Variants in CDH15 observed in about 807,000 individuals in gnomAD.
The protein encoded by CDH15 is cadherin-15.
In CDH15, 73 loss-of-function variants were observed where a neutral mutation model predicts 69.4. That is an observed-to-expected ratio of 1.05 (90% CI 0.87 to 1.28). The LOEUF (loss-of-function observed/expected upper bound fraction) is 1.28, where lower values mean the gene tolerates loss of function less well. CDH15 is among the 50% of genes most tolerant of loss of function. The pLI is 0.00. For synonymous variants in CDH15, 624 were observed against 507.7 expected, an observed-to-expected ratio of 1.23 and a Z score of -3.08; for missense variants, 1,343 against 1,133.6, an observed-to-expected ratio of 1.18 and a Z score of -2.65.
In CDH15 at chr16:89,195,098, C is replaced by T; in HGVS notation, c.2388C>T (p.Ala796=). The T allele has an allele frequency of 6.2e-7, 1 of 1,609,580 alleles. No individual in the cohort carries two copies. ...LEYGARWDHQ[A]REGLSPGALL... ...ACGGGGCCAGATGGGACCACCAGGC[C>T]AGGGAGGGTCTTTCTCCTGGGGCAC... The change falls in exon 14 of 14, where the codon GCC becomes GCT. Residue 796 remains alanine (A), a synonymous_variant. Coordinates refer to ENST00000289746, the MANE Select transcript of CDH15 (RefSeq NM_004933.3).
intron 3 of CDH15, among the ~76,000 whole-genome samples, chr16:89,180,974 C>CTTTTTTTTTTTGTTTTTTTTTTT (rs1915364941): frequency 1.0e-5 from 1 of 96,988 alleles, no homozygotes; most frequent in African/African-American, 4.3e-5. Flanking sequence ...CGCGCCCGAC[C>CTTTTTTTTTTTGTTTTTTTTTTT]TTTTTTTTTT....
intron 1 of CDH15, among the ~76,000 whole-genome samples, chr16:89,175,245 T>G (rs1915234141): frequency 6.6e-6 from 1 of 152,062 alleles, no homozygotes; most frequent in African/African-American, 2.4e-5. Flanking sequence ...CTGGCCCAGG[T>G]TTGGTGGCAG....
At chr16:89,189,085 ACACAGATGCCCACACACAGATGCCCACG>A (rs1915573791) in intron 7 of CDH15, among the ~76,000 whole-genome samples, 7 of 145,688 alleles carry the variant, frequency 4.8e-5, no homozygotes, top group Admixed American at 2.0e-4. Context: ...AGATGCCCAC[ACACAGATGCCCACACACAGATGCCCACG>A]CACAGGTGCC....
rs1662280841 is a variant in CDH15 at position 89,192,186 on chromosome 16, C to G, written c.1616-19C>G. 1 of 1,527,292 alleles carries G rather than the reference C, an allele frequency of 6.5e-7. No individual in the cohort carries two copies. Among genetic ancestry groups the G allele is most frequent in the African/African-American group, 1.4e-5 (1 of 72,432 alleles). The allele number at this position is 1,527,292 out of a possible 1,614,324, so 94.6% of individuals were successfully genotyped here. A position where few individuals can be genotyped will look rare whatever the true frequency, so the allele number is the denominator to read the frequency against. Reference sequence around the variant, plus strand: ...GGCGGCCTCGGGAGGCCCTCGCTCACCACAGGCGCCCTCCGCAGTGAGCCA... The same window carrying G: ...GGCGGCCTCGGGAGGCCCTCGCTCAGCACAGGCGCCCTCCGCAGTGAGCCA... On this transcript the variant is annotated intron_variant, in intron 10 of 13. Transcript: ENST00000289746.
intron 1 of CDH15, among the ~76,000 whole-genome samples, chr16:89,178,237 T>C (rs1639805705): frequency 6.6e-6 from 1 of 152,082 alleles, no homozygotes; most frequent in Admixed American, 6.6e-5. Context: ...CTTTGGGGTC[T>C]TTACCGGCCT....
intron 1 of CDH15, 34 bp downstream of exon 1, chr16:89,171,907 C>T: frequency 1.3e-6 from 2 of 1,535,152 alleles, no homozygotes; most frequent in Non-Finnish European, 8.8e-7. Flanking sequence ...GTCCCCGCTG[C>T]CTCCCTCGAC....
intron 4 of CDH15, among the ~76,000 whole-genome samples, chr16:89,184,510 C>T (rs911053728): frequency 1.3e-5 from 2 of 152,198 alleles, no homozygotes; most frequent in African/African-American, 2.4e-5. Context: ...CCGCTTCCCA[C>T]AGCAGGTGGG....
At chr16:89,189,933 G>A (rs533749882) in intron 7 of CDH15, among the ~76,000 whole-genome samples, 1 of 152,198 alleles carries the variant, frequency 6.6e-6, no homozygotes, top group African/African-American at 2.4e-5. Context: ...CACCCAGGAC[G>A]ATCTCCTTTA....
chr16:89,183,643 C>A lies in CDH15; in HGVS notation c.453C>A (p.Ala151=). The A allele has an allele frequency of 6.2e-7, 1 of 1,613,646 alleles. No individual in the cohort carries two copies. The highest frequency in any genetic ancestry group is 8.5e-7 in the Non-Finnish European group (1 of 1,179,854). Residue 151 remains alanine (A), a synonymous_variant, in exon 4 of 14, where the codon GCC becomes GCA. Coordinates refer to ENST00000289746, the MANE Select transcript of CDH15 (RefSeq NM_004933.3). ...VVVDQNDNRP[A]FLQEAFTGRV... ...TGGATCAGAATGACAACCGGCCAGCCTTCCTGCAGGAGGCGTTCACTGGCC... is the reference window on the plus strand; with the variant it reads ...TGGATCAGAATGACAACCGGCCAGCATTCCTGCAGGAGGCGTTCACTGGCC...
chr16:89,189,847 C>T (rs569309941), intron 7 of CDH15, among the ~76,000 whole-genome samples: 104 of 152,326 alleles, frequency 6.8e-4, no homozygotes, highest in African/African-American at 2.4e-3. Context: ...CTGGAGCCGA[C>T]GCAGCAGTTT....
chr16:89,184,602 C>T (rs541246633), intron 4 of CDH15, among the ~76,000 whole-genome samples: 3 of 152,264 alleles, frequency 2.0e-5, no homozygotes, highest in African/African-American at 4.8e-5. Flanking sequence ...GCCCGCGCAT[C>T]CTCTGTTTTA....
chr16:89,193,285 G>GCTTCCTCCCTAACCTCGCA (rs1339518495), intron 11 of CDH15, among the ~76,000 whole-genome samples, 185 bp from the exon 12 acceptor site: 4 of 111,176 alleles, frequency 3.6e-5, no homozygotes, highest in Admixed American at 8.8e-5. Context: ...CTAACCTCGC[G>GCTTCCTCCCTAACCTCGCA]GCTTCCTCCC....
At chr16:89,192,032 C>G (rs973292581) in intron 10 of CDH15, 138 bp downstream of exon 10, 1 of 1,155,732 alleles carries the variant, frequency 8.7e-7, no homozygotes, top group South Asian at 1.5e-5. Flanking sequence ...CCACCCCCCC[C>G]ACCACTGCAT....
chr16:89,181,547 G>A (rs1188878969), intron 3 of CDH15, among the ~76,000 whole-genome samples: 1 of 152,214 alleles, frequency 6.6e-6, no homozygotes, highest in Non-Finnish European at 1.5e-5. Flanking sequence ...GAAGGCTGAG[G>A]TGGGAGGATC....
intron 1 of CDH15, among the ~76,000 whole-genome samples, chr16:89,176,641 G>A (rs781257542): frequency 1.8e-4 from 25 of 142,824 alleles, no homozygotes; most frequent in Non-Finnish European, 2.5e-4. Context: ...GGGGAGTCCC[G>A]TGAGCCTCCC....
In CDH15 at chr16:89,185,364, G is replaced by T. The variant is rs374520858; in HGVS notation, c.663+31G>T. Reference sequence around the variant, plus strand: ...GTGGCGCCCCGGCAGCTCCACACCCGCACGGCCAGGGCAGCCCATCTCCTG... The same window carrying T: ...GTGGCGCCCCGGCAGCTCCACACCCTCACGGCCAGGGCAGCCCATCTCCTG... On this transcript the variant is annotated intron_variant, in intron 5 of 13. Coordinates refer to ENST00000289746, the MANE Select transcript of CDH15 (RefSeq NM_004933.3). The T allele has an allele frequency of 1.3e-5, 20 of 1,568,640 alleles. No individual in the cohort carries two copies. In the Middle Eastern group the frequency reaches 2.3e-3, roughly 183 times the overall value.
At chr16:89,181,916 T>C (rs1326423005) in intron 3 of CDH15, among the ~76,000 whole-genome samples, 2 of 146,876 alleles carry the variant, frequency 1.4e-5, no homozygotes, top group African/African-American at 5.0e-5. Context: ...TCCAGCCTGG[T>C]GACAGAGTGA....
chr16:89,191,592 G>A, intron 9 of CDH15, 63 bp from the exon 10 acceptor site: 3 of 1,572,434 alleles, frequency 1.9e-6, no homozygotes, highest in East Asian at 4.7e-5. Context: ...CACCCGCTCT[G>A]AGCCGACTGG....
chr16:89,192,434 C>G lies in CDH15; in HGVS notation c.1845C>G (p.Leu615=), dbSNP rs1915672338. ...GALVIVLASA[L]LLLVLVLLVA... ...TGGTCATCGTGCTGGCCAGCGCCCT[C>G]CTGCTGCTGGGTGAGTGAGCGCCCC... Residue 615 remains leucine, a synonymous_variant, in exon 11 of 14, where the codon CTC becomes CTG. Transcript: ENST00000289746. 1 of 1,558,304 alleles carries G rather than the reference C, an allele frequency of 6.4e-7. No individual in the cohort carries two copies.
Sources: gnomAD v4.1 joint callset for allele counts (sites outside exome capture counted in the v4.1 genomes callset) on GRCh38, gnomAD v4.1.1 for gene constraint, MANE v1.5 for transcripts, NCBI Gene and HGNC (gene_info 2026-07-23, HGNC 2026-07-21) for gene names.